Variants in VPS13C observed in about 807,000 individuals in gnomAD.
VPS13C encodes the protein vacuolar protein sorting 13 homolog C.
A neutral mutation model predicts 456.8 loss-of-function variants in VPS13C; 358 were observed. The ratio of observed to expected loss-of-function variants is 0.78; its 90% CI spans 0.72 to 0.86. VPS13C has a LOEUF of 0.86. Among genes scored for constraint, VPS13C ranks in the 40% least tolerant of loss-of-function variants. VPS13C has a pLI of 0.00. For synonymous variants in VPS13C, 1,578 were observed against 1,486.7 expected (o/e 1.06, Z -1.41); for missense variants, 4,818 against 4,385.4 (o/e 1.10, Z -2.79).
At chr15:62,016,198 T>C (rs958925116) in intron 9 of VPS13C, among the ~76,000 whole-genome samples, 5 of 151,314 alleles carry the variant, frequency 3.3e-5, no homozygotes, top group Non-Finnish European at 7.4e-5. Context: ...TGAGGCCCTC[T>C]CCATATAAGT....
intron 35 of VPS13C, 103 bp downstream of exon 35, chr15:61,961,486 C>G (rs1316303615): frequency 7.0e-6 from 8 of 1,137,034 alleles, no homozygotes; most frequent in African/African-American, 3.2e-5. Context: ...TGTAATGGAA[C>G]AGTTTATTTG....
At chr15:61,971,144 T>C (rs1302039158) in intron 27 of VPS13C, among the ~76,000 whole-genome samples, 2 of 152,216 alleles carry the variant, frequency 1.3e-5, no homozygotes, top group Non-Finnish European at 2.9e-5. Context: ...GTGTTACAAA[T>C]GTAAGGCCTT....
intron 64 of VPS13C, 123 bp from the exon 65 acceptor site, chr15:61,909,248 C>G: frequency 1.6e-6 from 2 of 1,264,002 alleles, no homozygotes; most frequent in Non-Finnish European, 2.2e-6. Flanking sequence ...CTTGCTGTCA[C>G]CCAGGCTGGA....
At position 61,911,905 on chromosome 15, in the gene VPS13C, C is replaced by A. The variant is rs1566993425; in HGVS notation, c.8650G>T (p.Val2884Phe). Reference sequence around the variant, plus strand: ...GAGCCATCAGATGCAATCTCGCCAACTTCTAGTTCTAATGATGACTTGTTT... The same window carrying A: ...GAGCCATCAGATGCAATCTCGCCAAATTCTAGTTCTAATGATGACTTGTTT... ...IANKSSLELEVGEIASDGSMP... is the reference protein window; with the variant it reads ...IANKSSLELEFGEIASDGSMP... Residue 2884 changes from valine (V) to phenylalanine (F), a missense_variant, in exon 63 of 85, where the codon GTT becomes TTT. This residue lies in a region of VPS13C where 4,552 missense variants were observed against 4,130.6 expected (regional missense o/e 1.10). Coordinates refer to ENST00000644861, the MANE Select transcript of VPS13C (RefSeq NM_020821.3). The A allele has an allele frequency of 6.2e-7, 1 of 1,612,680 alleles. No individual in the cohort carries two copies. Among genetic ancestry groups the A allele is most frequent in the Non-Finnish European group, 8.5e-7 (1 of 1,179,272 alleles).
In VPS13C at chr15:62,023,655, C is replaced by G; in HGVS notation, c.514+125G>C. On this transcript the variant is annotated intron_variant, in intron 7 of 84. Transcript: ENST00000644861. ...GTGTCTTTATTTATATTTTAATATG[C>G]ATTTCCAACTTAAAACTTGTTTTTG... is the stretch of plus-strand genomic sequence containing the variant. 8.9e-6 allele frequency: 10 copies of G among 1,120,320 alleles called. No homozygotes were observed. The South Asian group carries it at 1.4e-4, about 15-fold the overall frequency. 69.4% of individuals were successfully genotyped at this position (1,120,320 alleles called of 1,614,324 possible).
intron 66 of VPS13C, among the ~76,000 whole-genome samples, chr15:61,892,406 G>A (rs755237496): frequency 2.0e-5 from 3 of 152,064 alleles, no homozygotes; most frequent in Non-Finnish European, 4.4e-5. Context: ...ATGTTTCAGA[G>A]AACTGAGGCA....
intron 16 of VPS13C, among the ~76,000 whole-genome samples, chr15:61,999,692 T>C (rs1242037722): frequency 1.3e-5 from 2 of 151,980 alleles, no homozygotes; most frequent in Non-Finnish European, 2.9e-5. Context: ...CAAAAAGTCA[T>C]GTTACAGAAT....
At chr15:61,934,792 C>A (rs1370891841) in intron 48 of VPS13C, among the ~76,000 whole-genome samples, 1 of 151,980 alleles carries the variant, frequency 6.6e-6, no homozygotes, top group Non-Finnish European at 1.5e-5. Context: ...GCTGTGTTGC[C>A]CAGGCTGGAG....
At chr15:61,862,712 A>C (rs1283463161) in intron 82 of VPS13C, among the ~76,000 whole-genome samples, 1 of 152,118 alleles carries the variant, frequency 6.6e-6, no homozygotes, top group Non-Finnish European at 1.5e-5. Context: ...CCTCTCTTAC[A>C]TGAGGATTCT....
At chr15:61,931,640 C>T (rs1171892951) in intron 49 of VPS13C, among the ~76,000 whole-genome samples, 1 of 149,314 alleles carries the variant, frequency 6.7e-6, no homozygotes, top group Non-Finnish European at 1.5e-5. Context: ...TGCAGTGGCG[C>T]GATCTCGGCT....
rs1566999602 is a variant in VPS13C, at chr15:61,917,334, G to C, written c.8055+7C>G. 17 of 1,609,774 alleles carry C rather than the reference G, an allele frequency of 1.1e-5. No individual in the cohort carries two copies. The highest frequency in any genetic ancestry group is 2.7e-5 in the African/African-American group (2 of 74,876). The stretch of plus-strand genomic sequence containing the variant: ...AACAAAAATCAAACAAAATGCAAGA[G>C]ACATACCTCAAGTAAATATCTTAGG... On this transcript the variant is annotated splice_region_variant and intron_variant, in intron 60 of 84. Transcript: ENST00000644861.
intron 2 of VPS13C, among the ~76,000 whole-genome samples, chr15:62,042,756 T>A (rs549150936): frequency 6.6e-6 from 1 of 152,022 alleles, no homozygotes; most frequent in South Asian, 2.1e-4. Context: ...AGGAGCTACT[T>A]TGAATAAAAA....
At chr15:61,897,816 T>A (rs999902471) in intron 66 of VPS13C, among the ~76,000 whole-genome samples, 2 of 151,818 alleles carry the variant, frequency 1.3e-5, no homozygotes, top group African/African-American at 2.4e-5. Flanking sequence ...TCACCAAAGT[T>A]GCAATGAAGG....
At chr15:62,017,030 G>A (rs28856114) in intron 9 of VPS13C, among the ~76,000 whole-genome samples, 3,445 of 152,126 alleles carry the variant, frequency 0.023, 47 homozygotes, top group Non-Finnish European at 0.029. Flanking sequence ...CAGTGATGAT[G>A]AGCATTTTTT....
intron 45 of VPS13C, among the ~76,000 whole-genome samples, chr15:61,942,446 G>A (rs144984504): frequency 4.9e-4 from 74 of 151,518 alleles, no homozygotes; most frequent in African/African-American, 1.6e-3. Flanking sequence ...GGGCAGTACC[G>A]TACTTCTCCA....
At chr15:62,025,800 A>G (rs1260837382) in intron 6 of VPS13C, among the ~76,000 whole-genome samples, 1 of 152,088 alleles carries the variant, frequency 6.6e-6, no homozygotes. Context: ...CCCATTTAGC[A>G]TTTATAACTT....
At chr15:61,859,470 T>C (rs1441597222) in intron 82 of VPS13C, among the ~76,000 whole-genome samples, 1 of 152,168 alleles carries the variant, frequency 6.6e-6, no homozygotes, top group Non-Finnish European at 1.5e-5. Context: ...TACCTATGAC[T>C]GATCTCCCAA....
At chr15:61,861,804 A>G (rs1156680476) in intron 82 of VPS13C, among the ~76,000 whole-genome samples, 1 of 152,230 alleles carries the variant, frequency 6.6e-6, no homozygotes, top group Non-Finnish European at 1.5e-5. Flanking sequence ...TTCTTGTTAG[A>G]AAGAGTCTAC....
At chr15:61,974,508 C>T in intron 24 of VPS13C, 91 bp from the exon 25 acceptor site, 4 of 1,381,846 alleles carry the variant, frequency 2.9e-6, no homozygotes, top group Non-Finnish European at 3.9e-6. Context: ...TAAAACATGC[C>T]TAAACTTTTG....
Sources: allele counts gnomAD v4.1 joint callset (sites outside exome capture counted in the v4.1 genomes callset), GRCh38; gene constraint gnomAD v4.1.1; regional missense constraint gnomAD v4.1.1; transcripts MANE v1.5; gene names NCBI Gene and HGNC (gene_info 2026-07-23, HGNC 2026-07-21).